Variants in SPAG16 observed in about 807,000 individuals in gnomAD.
SPAG16 encodes the protein sperm associated antigen 16, also known as sperm-associated antigen 16 protein.
In SPAG16, 86 loss-of-function variants were observed where a neutral mutation model predicts 80.4. That is an observed-to-expected ratio of 1.07 (90% confidence interval 0.90 to 1.28). SPAG16 has a LOEUF of 1.28. Among genes scored for constraint, SPAG16 ranks in the 50% most tolerant of loss-of-function variants. The pLI is 0.00. For synonymous variants in SPAG16, 294 were observed against 265.9 expected (o/e 1.11, Z -1.03); for missense variants, 870 against 765.3 (o/e 1.14, Z -1.61).
At chr2:214,125,598 A>G (rs1188689675) in intron 14 of SPAG16, among the ~76,000 whole-genome samples, 1 of 151,786 alleles carries the variant, frequency 6.6e-6, no homozygotes, top group East Asian at 1.9e-4. Flanking sequence ...AAAAGGCTCT[A>G]CATTTTAGTT....
At chr2:214,055,358 G>A (rs936920962) in intron 13 of SPAG16, among the ~76,000 whole-genome samples, 1 of 152,046 alleles carries the variant, frequency 6.6e-6, no homozygotes, top group African/African-American at 2.4e-5. Context: ...ATTACTAAAT[G>A]GACTACTTTT....
intron 15 of SPAG16, among the ~76,000 whole-genome samples, chr2:214,308,207 A>T (rs537970604): frequency 6.6e-6 from 1 of 152,204 alleles, no homozygotes; most frequent in African/African-American, 2.4e-5. Context: ...TTAGGATTGC[A>T]ACTCCTCCTT....
intron 10 of SPAG16, among the ~76,000 whole-genome samples, chr2:213,554,867 A>G (rs545935308): frequency 2.8e-4 from 43 of 152,154 alleles, no homozygotes; most frequent in Middle Eastern, 3.4e-3. Context: ...ATCAAATACA[A>G]ATATTCAAGT....
intron 9 of SPAG16, among the ~76,000 whole-genome samples, chr2:213,479,981 T>C (rs1346915272): frequency 6.6e-6 from 1 of 152,212 alleles, no homozygotes. Flanking sequence ...TGAATTATTT[T>C]TCTGATGCCT....
At chr2:214,138,630 C>T (rs2055187011) in intron 14 of SPAG16, among the ~76,000 whole-genome samples, 1 of 152,142 alleles carries the variant, frequency 6.6e-6, no homozygotes, top group African/African-American at 2.4e-5. Flanking sequence ...GGAACCAAAA[C>T]TCAAATACCA....
At chr2:213,500,006 C>CA (rs1418321178) in intron 10 of SPAG16, among the ~76,000 whole-genome samples, 6 of 152,108 alleles carry the variant, frequency 3.9e-5, no homozygotes, top group Non-Finnish European at 5.9e-5. Flanking sequence ...TTTTGACAGC[C>CA]AGTTAACCTT....
intron 9 of SPAG16, among the ~76,000 whole-genome samples, chr2:213,405,260 G>A (rs942464745): frequency 1.2e-4 from 19 of 152,152 alleles, no homozygotes; most frequent in African/African-American, 4.6e-4. Flanking sequence ...CATTTTTTAT[G>A]TTTTTTGGAA....
At chr2:213,572,912 C>T (rs543356137) in intron 10 of SPAG16, among the ~76,000 whole-genome samples, 3 of 152,256 alleles carry the variant, frequency 2.0e-5, no homozygotes, top group African/African-American at 7.2e-5. Flanking sequence ...TAGGACCCTC[C>T]GAGCCAGGTG....
At chr2:213,946,621 A>T (rs1340099988) in intron 12 of SPAG16, among the ~76,000 whole-genome samples, 3 of 152,180 alleles carry the variant, frequency 2.0e-5, no homozygotes, top group Non-Finnish European at 4.4e-5. Context: ...ACCATTGCCT[A>T]TTGTCAAAAT....
chr2:214,264,727 A>T, intron 15 of SPAG16, among the ~76,000 whole-genome samples: 1 of 152,154 alleles, frequency 6.6e-6, no homozygotes, highest in Admixed American at 6.6e-5. Context: ...TATATAACAT[A>T]CAGAATAGTT....
chr2:213,788,796 A>G (rs1045228236), intron 10 of SPAG16, among the ~76,000 whole-genome samples: 4 of 151,862 alleles, frequency 2.6e-5, no homozygotes, highest in Non-Finnish European at 5.9e-5. Flanking sequence ...CCCATCTCTC[A>G]GCTCTTATAT....
chr2:213,573,292 T>C (rs1032467420), intron 10 of SPAG16, among the ~76,000 whole-genome samples: 18 of 152,250 alleles, frequency 1.2e-4, no homozygotes, highest in Admixed American at 1.0e-3. Flanking sequence ...TCTAATCACC[T>C]CAGATTTCAG....
chr2:214,254,394 C>T (rs1022637443), intron 15 of SPAG16, among the ~76,000 whole-genome samples: 1 of 152,042 alleles, frequency 6.6e-6, no homozygotes, highest in South Asian at 2.1e-4. Flanking sequence ...CCAGTTTTTG[C>T]CCATTTAGTA....
intron 15 of SPAG16, among the ~76,000 whole-genome samples, chr2:214,213,213 A>G (rs2058342280): frequency 6.6e-6 from 1 of 152,324 alleles, no homozygotes; most frequent in East Asian, 1.9e-4. Flanking sequence ...TGCATGCACC[A>G]TATTATGTAT....
intron 10 of SPAG16, among the ~76,000 whole-genome samples, chr2:213,604,976 A>G (rs989785237): frequency 6.7e-6 from 1 of 149,868 alleles, no homozygotes; most frequent in Non-Finnish European, 1.5e-5. Flanking sequence ...TATGTTTTGT[A>G]TAAATAAACA....
At chr2:214,389,336 A>G (rs1193129026) in intron 15 of SPAG16, among the ~76,000 whole-genome samples, 1 of 152,238 alleles carries the variant, frequency 6.6e-6, no homozygotes, top group Admixed American at 6.5e-5. Context: ...AACGTGTGTG[A>G]CAGAGTTGTG....
At chr2:213,608,810 C>T (rs535777809) in intron 10 of SPAG16, among the ~76,000 whole-genome samples, 13 of 152,316 alleles carry the variant, frequency 8.5e-5, no homozygotes, top group Admixed American at 3.3e-4. Context: ...CTCAGCCTCC[C>T]GAGTAGCTGG....
At chr2:214,062,491 C>T (rs753110366) in intron 13 of SPAG16, among the ~76,000 whole-genome samples, 9 of 150,908 alleles carry the variant, frequency 6.0e-5, no homozygotes, top group Non-Finnish European at 1.3e-4. Flanking sequence ...TACCACATCC[C>T]CAAACATGCA....
chr2:214,045,412 C>A (rs1201480130), intron 13 of SPAG16, among the ~76,000 whole-genome samples: 1 of 152,050 alleles, frequency 6.6e-6, no homozygotes, highest in Non-Finnish European at 1.5e-5. Context: ...ATGCCATTGG[C>A]CTTGGATGAC....
Sources: gnomAD v4.1 joint callset for allele counts (sites outside exome capture counted in the v4.1 genomes callset) on GRCh38, gnomAD v4.1.1 for gene constraint, MANE v1.5 for transcripts, NCBI Gene and HGNC (gene_info 2026-07-23, HGNC 2026-07-21) for gene names.